The following PIK3R3 variants were observed in gnomAD, a reference collection of about 807,000 sequenced individuals.
PIK3R3 encodes the protein phosphatidylinositol 3-kinase regulatory subunit gamma.
Under a neutral mutation model 62.9 loss-of-function variants are expected in PIK3R3, and 64 were observed. The ratio of observed to expected loss-of-function variants is 1.02; its 90% CI spans 0.83 to 1.25. The LOEUF (loss-of-function observed/expected upper bound fraction) is 1.25. Ranked by LOEUF, PIK3R3 falls within the 50% of genes most tolerant of loss-of-function variation. PIK3R3 has a pLI of 0.00. For synonymous variants in PIK3R3, 165 were observed against 189.0 expected (o/e 0.87, Z 1.04); for missense variants, 614 against 561.6 (o/e 1.09, Z -0.94).
intron 6 of PIK3R3, among the ~76,000 whole-genome samples, chr1:46,060,743 CTG>C (rs1648407054): frequency 6.6e-6 from 1 of 152,292 alleles, no homozygotes; most frequent in South Asian, 2.1e-4. Context: ...TTAAGCTACA[CTG>C]TCTCACAGCA....
At chr1:46,172,277 T>C in the PIK3R3 span, among the ~76,000 whole-genome samples, 1 of 151,940 alleles carries the variant, frequency 6.6e-6, no homozygotes, top group South Asian at 2.1e-4. Flanking sequence ...TTCTCATCTA[T>C]AGATGAGGAA....
chr1:46,163,686 C>T, the PIK3R3 span, among the ~76,000 whole-genome samples: 2 of 152,192 alleles, frequency 1.3e-5, no homozygotes, highest in African/African-American at 4.8e-5. Flanking sequence ...AACCATGGCC[C>T]TGGTGCTTTC....
chr1:46,073,847 G>C (rs1486036870), intron 3 of PIK3R3, among the ~76,000 whole-genome samples: 1 of 147,444 alleles, frequency 6.8e-6, no homozygotes. Context: ...TGTTGGCCAG[G>C]CTAGTCTCTA....
chr1:46,115,573 A>G (rs549391475), intron 1 of PIK3R3, among the ~76,000 whole-genome samples: 2 of 152,350 alleles, frequency 1.3e-5, no homozygotes, highest in South Asian at 4.1e-4. Context: ...CTAAATTTCA[A>G]GGGCTGAACA....
At chr1:46,049,558 G>C (rs542068714) in intron 7 of PIK3R3, among the ~76,000 whole-genome samples, 1 of 152,230 alleles carries the variant, frequency 6.6e-6, no homozygotes, top group African/African-American at 2.4e-5. Context: ...AGCCAGTGAT[G>C]AGATTACTGT....
upstream of PIK3R3, chr1:46,133,052 C>A (rs546731816): frequency 1.1e-5 from 11 of 1,019,812 alleles, no homozygotes; most frequent in Non-Finnish European, 1.3e-5. Context: ...AGCCTGGAGC[C>A]TGCGTCTTTT....
intron 1 of PIK3R3, among the ~76,000 whole-genome samples, chr1:46,091,096 C>G (rs1285156874): frequency 6.6e-6 from 1 of 151,256 alleles, no homozygotes; most frequent in Non-Finnish European, 1.5e-5. Flanking sequence ...TCCTGAGTAG[C>G]TGTGGAACTA....
chr1:46,166,049 C>T, the PIK3R3 span, among the ~76,000 whole-genome samples: 1 of 151,384 alleles, frequency 6.6e-6, no homozygotes, highest in South Asian at 2.1e-4. Flanking sequence ...GCTGGGATTA[C>T]AGGCGTGAGC....
At position 46,066,083 on chromosome 1, in the gene PIK3R3, G is replaced by T; in HGVS notation, c.592C>A (p.Leu198Met). The change falls in exon 5 of 10, where the codon CTG (leucine) becomes ATG (methionine). Residue 198 changes from leucine (L) to methionine (M), a missense_variant. By Grantham distance (15) the Leu-to-Met change is conservative. Coordinates refer to ENST00000262741, the MANE Select transcript of PIK3R3 (RefSeq NM_003629.4). ...GATGTTCTAGTATATTCTTCATACA[G>T]CCTATCATACTCTTTACTCTTCTCC... ...YQEKSKEYDR[L>M]YEEYTRTSQE... is the part of the protein sequence containing the mutation. 1 of 1,607,930 alleles carries T rather than the reference G, an allele frequency of 6.2e-7. No homozygotes were observed.
chr1:46,064,356 C>T (rs1444142572), intron 5 of PIK3R3, among the ~76,000 whole-genome samples: 1 of 152,020 alleles, frequency 6.6e-6, no homozygotes, highest in African/African-American at 2.4e-5. Flanking sequence ...GCCTGGCCAA[C>T]ATGATGAACC....
chr1:46,107,022 A>G (rs1557616935), intron 1 of PIK3R3, among the ~76,000 whole-genome samples: 1 of 152,030 alleles, frequency 6.6e-6, no homozygotes, highest in Non-Finnish European at 1.5e-5. Flanking sequence ...CAGCCTCCCA[A>G]AGTGCTGGGA....
the PIK3R3 span, chr1:46,138,919 T>C: frequency 6.6e-6 from 1 of 152,236 alleles, no homozygotes; most frequent in Non-Finnish European, 1.5e-5. Flanking sequence ...AAAGGAGACA[T>C]TCGGTGAAGA....
At chr1:46,101,405 C>T (rs1298831662) in intron 1 of PIK3R3, among the ~76,000 whole-genome samples, 14 of 151,654 alleles carry the variant, frequency 9.2e-5, no homozygotes. Context: ...CTGAGGGAGG[C>T]TGAGGCAGGA....
intron 7 of PIK3R3, 130 bp downstream of exon 7, chr1:46,055,665 A>C (rs970964631): frequency 1.2e-5 from 8 of 668,158 alleles, no homozygotes; most frequent in African/African-American, 1.8e-5. Flanking sequence ...CACTTTCCTA[A>C]ATTCTTACCA....
chr1:46,097,270 G>A (rs1430096119), intron 1 of PIK3R3, among the ~76,000 whole-genome samples: 2 of 152,180 alleles, frequency 1.3e-5, no homozygotes, highest in African/African-American at 2.4e-5. Context: ...CCTACCAGGT[G>A]CAGTAGCTCA....
intron 7 of PIK3R3, among the ~76,000 whole-genome samples, chr1:46,050,031 G>A (rs1387379935): frequency 6.6e-6 from 1 of 150,442 alleles, no homozygotes. Context: ...TGATGCAGGA[G>A]AAGTGCTTGA....
At chr1:46,059,307 G>A (rs748947095) in intron 6 of PIK3R3, among the ~76,000 whole-genome samples, 3 of 152,102 alleles carry the variant, frequency 2.0e-5, no homozygotes, top group Non-Finnish European at 4.4e-5. Context: ...AATACAAATG[G>A]GTACCTACAA....
At position 46,076,218 on chromosome 1, in the gene PIK3R3, G is replaced by T. The variant is rs529068962; in HGVS notation, c.314+1297C>A. ...AATCATCACATATATTAAGGCCATGGGACAGGACAAGCTCACCTTAAGAGA... is the reference window on the plus strand; with the variant it reads ...AATCATCACATATATTAAGGCCATGTGACAGGACAAGCTCACCTTAAGAGA... On this transcript the variant is annotated intron_variant, in intron 3 of 9. Transcript: ENST00000262741. Among the ~76,000 whole-genome samples, 3 of 152,172 alleles carry T rather than the reference G, an allele frequency of 2.0e-5. No individual in the cohort carries two copies. The East Asian group carries it at 5.8e-4, about 29-fold the overall frequency.
chr1:46,102,803 TAAAAAAA>T (rs33975572), intron 1 of PIK3R3, among the ~76,000 whole-genome samples: 18 of 55,768 alleles, frequency 3.2e-4, no homozygotes, highest in East Asian at 1.2e-3. Context: ...GTATATATCT[TAAAAAAA>T]AAAAAAAAAA....
Sources: gnomAD v4.1 joint callset for allele counts (sites outside exome capture counted in the v4.1 genomes callset) on GRCh38, gnomAD v4.1.1 for gene constraint, MANE v1.5 for transcripts, NCBI Gene and HGNC (gene_info 2026-07-23, HGNC 2026-07-21) for gene names.